CPT1A: variants seen among roughly 807,000 people sequenced by gnomAD.
CPT1A encodes the protein carnitine O-palmitoyltransferase 1, liver isoform.
CPT1A carries 64 observed loss-of-function variants against 100.8 expected under a neutral mutation model. That is an observed-to-expected ratio of 0.63 (90% confidence interval 0.52 to 0.78). The LOEUF is 0.78. Ranked by LOEUF, CPT1A falls within the 30% of genes least tolerant of loss-of-function variation. CPT1A has a pLI of 0.00. For synonymous variants in CPT1A, 363 were observed against 396.0 expected (o/e 0.92, Z 0.99); for missense variants, 802 against 1,034.1 (o/e 0.78, Z 3.08).
At chr11:68,817,248 G>A (rs1856453243) in intron 1 of CPT1A, among the ~76,000 whole-genome samples, 1 of 151,906 alleles carries the variant, frequency 6.6e-6, no homozygotes, top group Admixed American at 6.6e-5. Context: ...CCCTCTGAAG[G>A]TGAGATCAAA....
intron 13 of CPT1A, 154 bp from the exon 14 acceptor site, chr11:68,773,583 T>G (rs1464006952): frequency 7.2e-7 from 1 of 1,395,778 alleles, no homozygotes; most frequent in Non-Finnish European, 9.7e-7. Context: ...CCTAGTAAGT[T>G]AGGGGCATGG....
At chr11:68,797,922 G>A (rs1488528066) in intron 6 of CPT1A, among the ~76,000 whole-genome samples, 1 of 152,210 alleles carries the variant, frequency 6.6e-6, no homozygotes, top group African/African-American at 2.4e-5. Context: ...AGCTTGCAGT[G>A]AGCCGAGATC....
intron 9 of CPT1A, 77 bp from the exon 10 acceptor site, chr11:68,785,087 T>A: frequency 7.7e-7 from 1 of 1,294,520 alleles, no homozygotes; most frequent in Non-Finnish European, 1.1e-6. Context: ...GTACCCTGAC[T>A]CTGCAAAGGG....
intron 5 of CPT1A, among the ~76,000 whole-genome samples, chr11:68,801,280 C>A (rs1335705193): frequency 1.3e-5 from 2 of 152,110 alleles, no homozygotes; most frequent in African/African-American, 4.8e-5. Flanking sequence ...CCCCATCCTG[C>A]CAGTGGAACA....
At chr11:68,816,903 G>GGT (rs1566378837) in intron 1 of CPT1A, among the ~76,000 whole-genome samples, 1 of 62,634 alleles carries the variant, frequency 1.6e-5, no homozygotes, top group South Asian at 7.3e-4. Flanking sequence ...GGTGTGTGTG[G>GGT]GTGTGTGTGT....
chr11:68,764,515 C>A (rs1343051605), intron 14 of CPT1A, among the ~76,000 whole-genome samples: 2 of 151,916 alleles, frequency 1.3e-5, no homozygotes, highest in Non-Finnish European at 2.9e-5. Flanking sequence ...ACAGGACCCA[C>A]TCAGCTGGGG....
intron 1 of CPT1A, among the ~76,000 whole-genome samples, chr11:68,822,527 G>A (rs1173855256): frequency 1.3e-5 from 2 of 150,472 alleles, no homozygotes; most frequent in African/African-American, 4.9e-5. Flanking sequence ...GGGAGATCCT[G>A]TCTTAAAAAA....
intron 8 of CPT1A, 122 bp downstream of exon 8, chr11:68,794,682 A>T: frequency 2.3e-6 from 2 of 879,310 alleles, no homozygotes; most frequent in South Asian, 2.8e-5. Flanking sequence ...AAGTGCCAAG[A>T]TTACAGGCGT....
intron 1 of CPT1A, among the ~76,000 whole-genome samples, chr11:68,829,972 G>A (rs1051316203): frequency 6.6e-6 from 1 of 152,186 alleles, no homozygotes; most frequent in Admixed American, 6.5e-5. Flanking sequence ...AAGTGGACAC[G>A]AGCCCTGAAA....
intron 9 of CPT1A, chr11:68,786,174 C>A: frequency 1.5e-6 from 1 of 654,098 alleles, no homozygotes; most frequent in Non-Finnish European, 2.8e-6. Context: ...TCAGCCTGGG[C>A]AACATGGCAA....
In CPT1A at chr11:68,817,061, T is replaced by C. The variant is rs1427612824; in HGVS notation, c.-13-1574A>G. Among the ~76,000 whole-genome samples, 16 of 42,658 alleles carry C rather than the reference T, an allele frequency of 3.8e-4. 1 individual carries two copies. Among genetic ancestry groups the C allele is most frequent in the Non-Finnish European group, 7.3e-4 (15 of 20,448 alleles). The allele number at this position is 42,658 out of a possible 152,430, so 28.0% of individuals were successfully genotyped here. A position where few individuals can be genotyped will look rare whatever the true frequency, so the allele number is the denominator to read the frequency against. On this transcript the variant is annotated intron_variant, in intron 1 of 18. Coordinates refer to ENST00000265641, the MANE Select transcript of CPT1A (RefSeq NM_001876.4). ...TGGTGATGTGTGGTTGTGTGGGGGG[T>C]GGGTGTGTGTGGGTGCGTGTGTGTG...
Position 68,755,710 on chromosome 11 carries a change from C to CTTTTTTTTT in CPT1A, c.*1925_*1933dup, listed in dbSNP as rs750569368. The CTTTTTTTTT allele has an allele frequency of 9.0e-6, 1 of 111,144 alleles. No individual in the cohort carries two copies. Among genetic ancestry groups the CTTTTTTTTT allele is most frequent in the Non-Finnish European group, 1.8e-5 (1 of 55,636 alleles). The allele number at this position is 111,144 out of a possible 1,614,324, so 6.9% of individuals were successfully genotyped here. ...ACGCATGAGCCACCGCGCCTGGACG[C>CTTTTTTTTT]TTTTTTTTTTTTTTTTGTCTTTTGT... is the stretch of plus-strand genomic sequence containing the variant. On this transcript the variant is annotated 3_prime_UTR_variant, in exon 19 of 19. Coordinates refer to ENST00000265641, the MANE Select transcript of CPT1A (RefSeq NM_001876.4).
At chr11:68,762,823 A>T in intron 14 of CPT1A, 62 bp from the exon 15 acceptor site, 1 of 1,605,206 alleles carries the variant, frequency 6.2e-7, no homozygotes, top group Non-Finnish European at 8.5e-7. Flanking sequence ...AAACGTAAGG[A>T]AGGATTGGGT....
At chr11:68,816,120 G>T (rs1856381846) in intron 1 of CPT1A, among the ~76,000 whole-genome samples, 1 of 152,190 alleles carries the variant, frequency 6.6e-6, no homozygotes, top group South Asian at 2.1e-4. Flanking sequence ...CAATCTTGCA[G>T]CCAGGCCCTT....
At chr11:68,762,573 C>T (rs1594317535) in intron 15 of CPT1A, 54 bp downstream of exon 15, 17 of 1,606,966 alleles carry the variant, frequency 1.1e-5, no homozygotes, top group African/African-American at 2.7e-5. Context: ...CCTCCAGAAG[C>T]CTTTTAGGGA....
intron 5 of CPT1A, among the ~76,000 whole-genome samples, chr11:68,800,476 A>AC (rs370486229): frequency 0.01 from 1,270 of 125,668 alleles, 21 homozygotes; most frequent in African/African-American, 0.036. Context: ...ACAGAGTGAG[A>AC]CCCCCCATCT....
At chr11:68,813,632 G>A (rs931424245) in intron 2 of CPT1A, among the ~76,000 whole-genome samples, 2 of 151,234 alleles carry the variant, frequency 1.3e-5, no homozygotes, top group Non-Finnish European at 2.9e-5. Flanking sequence ...AGCCCAGTGA[G>A]GCTACAGTGA....
At chr11:68,782,067 G>A in intron 10 of CPT1A, 108 bp from the exon 11 acceptor site, 1 of 1,086,642 alleles carries the variant, frequency 9.2e-7, no homozygotes, top group Non-Finnish European at 1.4e-6. Context: ...ATTTCTCGAA[G>A]GAAAACTCCA....
Position 68,762,734 on chromosome 11 carries a change from C to A in CPT1A, c.1768G>T (p.Glu590Ter). ...CGGAAGAGCCGGGTCATGGAGGCCT[C>A]GTATGTGAGGCAAAACTTGCCCATG... ...KDMGKFCLTY[E>*]ASMTRLFREG... is the part of the protein sequence containing the mutation. The change falls in exon 15 of 19, where the codon GAG becomes TAG. Residue 590 changes from glutamate to a stop codon, truncating the protein, a stop_gained. Transcript: ENST00000265641. LOFTEE classifies it high-confidence loss of function. The A allele has an allele frequency of 6.2e-7, 1 of 1,614,052 alleles. No individual in the cohort carries two copies. The highest frequency in any genetic ancestry group is 8.5e-7 in the Non-Finnish European group (1 of 1,180,028).
Sources: allele counts gnomAD v4.1 joint callset (sites outside exome capture counted in the v4.1 genomes callset), GRCh38; gene constraint gnomAD v4.1.1; transcripts MANE v1.5; gene names NCBI Gene and HGNC (gene_info 2026-07-23, HGNC 2026-07-21).